The following NFIL3 variants were observed in gnomAD, a reference collection of about 807,000 sequenced individuals.
NFIL3 encodes the protein nuclear factor, interleukin 3 regulated.
NFIL3 carries 5 observed loss-of-function variants against 10.0 expected under a neutral mutation model. That is an observed-to-expected ratio of 0.50 (90% CI 0.26 to 1.06). The LOEUF is 1.06. Among genes scored for constraint, NFIL3 ranks in the 50% least tolerant of loss-of-function variants. The pLI, the probability that NFIL3 is intolerant of heterozygous loss-of-function variation, is 0.13. For synonymous variants in NFIL3, 202 were observed against 206.5 expected, an observed-to-expected ratio of 0.98 and a Z score of 0.19; for missense variants, 436 against 547.6, an observed-to-expected ratio of 0.80 and a Z score of 2.03.
Position 91,410,635 on chromosome 9 carries a change from C to G in NFIL3, c.100G>C (p.Glu34Gln). The G allele has an allele frequency of 6.2e-7, 1 of 1,614,244 alleles. No individual in the cohort carries two copies. Among genetic ancestry groups the G allele is most frequent in the Non-Finnish European group, 8.5e-7 (1 of 1,180,050 alleles). ...CCTGTTGTGGAGTCTTCTGACACTT[C>G]CGTTAAAGCAGAATTAAGGACCATC... is the stretch of plus-strand genomic sequence containing the variant. ...KMMVLNSALTEVSEDSTTGEE... is the reference protein window; with the variant it reads ...KMMVLNSALTQVSEDSTTGEE... The change falls in exon 2 of 2, where the codon GAA becomes CAA. Residue 34 changes from glutamate (E) to glutamine (Q), a missense_variant. Transcript: ENST00000297689. This position sits in a 1 kb window ranked among gnomAD's most constrained non-coding sequence, Gnocchi z 5.7.
chr9:91,455,863 T>A, the NFIL3 span, among the ~76,000 whole-genome samples: 2 of 152,186 alleles, frequency 1.3e-5, no homozygotes, highest in Non-Finnish European at 2.9e-5. Context: ...GCAAAAATTT[T>A]AAAAATTGCA....
intron 1 of NFIL3, among the ~76,000 whole-genome samples, chr9:91,423,185 A>C (rs1833801620): frequency 6.6e-6 from 1 of 151,912 alleles, no homozygotes; most frequent in Non-Finnish European, 1.5e-5. Flanking sequence ...AATTAAGACT[A>C]TTCCCCATTC....
At chr9:91,477,120 T>C in the NFIL3 span, among the ~76,000 whole-genome samples, 129 of 152,268 alleles carry the variant, frequency 8.5e-4, no homozygotes, top group Middle Eastern at 3.4e-3. Context: ...GGTTCCCTGA[T>C]TGTGGCCTCG....
chr9:91,415,196 G>A (rs972904582), intron 1 of NFIL3, among the ~76,000 whole-genome samples: 1 of 152,140 alleles, frequency 6.6e-6, no homozygotes, highest in African/African-American at 2.4e-5. Flanking sequence ...TGAGCAGAGG[G>A]GAACCAGGTG....
the NFIL3 span, among the ~76,000 whole-genome samples, chr9:91,465,481 C>T: frequency 7.0e-6 from 1 of 143,114 alleles, no homozygotes; most frequent in Non-Finnish European, 1.5e-5. Flanking sequence ...CTTGTATTAT[C>T]CATGTTTTTT....
At chr9:91,478,429 G>A in the NFIL3 span, among the ~76,000 whole-genome samples, 1 of 151,366 alleles carries the variant, frequency 6.6e-6, no homozygotes, top group Admixed American at 6.6e-5. Flanking sequence ...CCTTTCTTCT[G>A]CTTGATTGAT....
the NFIL3 span, among the ~76,000 whole-genome samples, chr9:91,462,494 A>G: frequency 2.6e-5 from 4 of 152,108 alleles, no homozygotes; most frequent in African/African-American, 7.2e-5. Context: ...GATGTATTAC[A>G]TTGACTGATT....
intron 1 of NFIL3, among the ~76,000 whole-genome samples, chr9:91,422,662 A>G (rs895271019): frequency 6.6e-6 from 1 of 152,214 alleles, no homozygotes; most frequent in Non-Finnish European, 1.5e-5. Context: ...AGCAATGACA[A>G]TAAGGTGAGA....
the NFIL3 span, among the ~76,000 whole-genome samples, chr9:91,473,655 T>G: frequency 6.6e-5 from 10 of 152,358 alleles, no homozygotes; most frequent in Admixed American, 5.2e-4. Flanking sequence ...CCCTGACTCC[T>G]TGTGCTTCCT....
chr9:91,437,203 A>G, the NFIL3 span, among the ~76,000 whole-genome samples: 144,645 of 152,286 alleles, frequency 0.95, 68,781 homozygotes, highest in East Asian at 1. Flanking sequence ...CCTGGGGATT[A>G]AAGAACACTG....
At chr9:91,415,769 A>G (rs1359213005) in intron 1 of NFIL3, among the ~76,000 whole-genome samples, 1 of 152,090 alleles carries the variant, frequency 6.6e-6, no homozygotes, top group African/African-American at 2.4e-5. Flanking sequence ...CTGGGATTAC[A>G]GGCATGCGCC....
the NFIL3 span, among the ~76,000 whole-genome samples, chr9:91,447,338 T>C: frequency 1.3e-5 from 2 of 152,210 alleles, no homozygotes; most frequent in African/African-American, 4.8e-5. Flanking sequence ...CCTTTGGGTA[T>C]TGAGATTGCT....
At chr9:91,445,176 T>C in the NFIL3 span, among the ~76,000 whole-genome samples, 1 of 152,170 alleles carries the variant, frequency 6.6e-6, no homozygotes, top group African/African-American at 2.4e-5. Flanking sequence ...GAAGGGGTAC[T>C]CTGAGGGTTT....
At chr9:91,480,026 T>G in the NFIL3 span, among the ~76,000 whole-genome samples, 7 of 151,984 alleles carry the variant, frequency 4.6e-5, no homozygotes, top group African/African-American at 1.7e-4. Context: ...AGTACCTCAG[T>G]TGGAAATGCA....
At chr9:91,449,353 C>T in the NFIL3 span, among the ~76,000 whole-genome samples, 3 of 152,022 alleles carry the variant, frequency 2.0e-5, no homozygotes, top group Non-Finnish European at 4.4e-5. Flanking sequence ...CGTAAATGCT[C>T]TTTAGCATAT....
the NFIL3 span, among the ~76,000 whole-genome samples, chr9:91,437,793 G>A: frequency 6.6e-6 from 1 of 152,142 alleles, no homozygotes; most frequent in Non-Finnish European, 1.5e-5. Context: ...ATTTCACTTA[G>A]CACAAACTTC....
chr9:91,409,526 C>G lies in NFIL3; in HGVS notation c.1209G>C (p.Leu403=). The G allele has an allele frequency of 6.2e-7, 1 of 1,613,880 alleles. No homozygotes were observed. Among genetic ancestry groups the G allele is most frequent in the Non-Finnish European group, 8.5e-7 (1 of 1,179,896 alleles). The part of the protein sequence containing the change: ...LKSEHWHQKE[L]SGKTQNSFKT... ...TGAAACTATTCTGAGTTTTGCCACT[C>G]AGTTCTTTTTGATGCCAGTGCTCCG... is the stretch of plus-strand genomic sequence containing the variant. The change falls in exon 2 of 2, where the codon CTG becomes CTC. Residue 403 remains leucine, a synonymous_variant. Transcript: ENST00000297689.
chr9:91,473,787 G>T, the NFIL3 span, among the ~76,000 whole-genome samples: 1 of 152,324 alleles, frequency 6.6e-6, no homozygotes, highest in African/African-American at 2.4e-5. Context: ...CCTGTCTTCT[G>T]CATCGATTAC....
upstream of NFIL3, among the ~76,000 whole-genome samples, chr9:91,428,752 A>G (rs1833894889): frequency 6.6e-6 from 1 of 152,286 alleles, no homozygotes; most frequent in African/African-American, 2.4e-5. Context: ...TTTGCAAAGA[A>G]GAGAAAATGT....
Sources: allele counts gnomAD v4.1 joint callset (sites outside exome capture counted in the v4.1 genomes callset), GRCh38; gene constraint gnomAD v4.1.1; non-coding constraint Gnocchi (gnomAD v3.1); transcripts MANE v1.5; gene names NCBI Gene and HGNC (gene_info 2026-07-23, HGNC 2026-07-21).